The following SCARA5 variants were observed in gnomAD, a reference collection of about 807,000 sequenced individuals.
SCARA5 encodes the protein scavenger receptor class A member 5.
Under a neutral mutation model 46.3 loss-of-function variants are expected in SCARA5, and 45 were observed. That is an observed-to-expected ratio of 0.97 (90% CI 0.76 to 1.24). The LOEUF is 1.24. Among genes scored for constraint, SCARA5 ranks in the 50% most tolerant of loss-of-function variants. The probability of loss-of-function intolerance (pLI) is 0.00; values close to 1 mark genes in which losing one functional copy is unlikely to be tolerated. For missense variants in SCARA5, 680 were observed against 689.0 expected, an observed-to-expected ratio of 0.99 and a Z score of 0.15; for synonymous variants, 333 against 306.5, an observed-to-expected ratio of 1.09 and a Z score of -0.90.
intron 3 of SCARA5, among the ~76,000 whole-genome samples, chr8:27,959,132 C>T (rs1204367637): frequency 6.6e-6 from 1 of 152,030 alleles, no homozygotes; most frequent in Non-Finnish European, 1.5e-5. Context: ...ACTCAGGAGG[C>T]GGAGGCAGGA....
At chr8:27,891,554 AC>A (rs1806984002) in intron 7 of SCARA5, among the ~76,000 whole-genome samples, 1 of 151,830 alleles carries the variant, frequency 6.6e-6, no homozygotes, top group African/African-American at 2.4e-5. Context: ...GATGATCTGG[AC>A]CCCCTTAAAG....
chr8:27,962,342 A>G (rs1808306553), intron 3 of SCARA5, among the ~76,000 whole-genome samples: 1 of 152,260 alleles, frequency 6.6e-6, no homozygotes, highest in Admixed American at 6.5e-5. Context: ...AAATTCCTCG[A>G]GGAACACATA....
At chr8:27,880,602 T>C (rs1806796097) in intron 7 of SCARA5, among the ~76,000 whole-genome samples, 1 of 151,926 alleles carries the variant, frequency 6.6e-6, no homozygotes, top group South Asian at 2.1e-4. Flanking sequence ...TCCCAGCACT[T>C]TGGGAGACCA....
At position 27,922,252 on chromosome 8, in the gene SCARA5, A is replaced by G; in HGVS notation, c.242-7T>C. The G allele has an allele frequency of 6.6e-7, 1 of 1,513,324 alleles. No homozygotes were observed. Among genetic ancestry groups the G allele is most frequent in the South Asian group, 1.3e-5 (1 of 75,236 alleles). The allele number at this position is 1,513,324 out of a possible 1,614,324, so 93.7% of individuals were successfully genotyped here. A position where few individuals can be genotyped will look rare whatever the true frequency, so the allele number is the denominator to read the frequency against. ...GAGCTGCGCGGCCTGGACACTGCGG[A>G]GGAGGAAGAGGGGAGACTTGAGCAC... On this transcript the variant is annotated splice_polypyrimidine_tract_variant and splice_region_variant and intron_variant, in intron 3 of 8. Transcript: ENST00000354914.
chr8:27,930,035 T>C (rs1413339484), intron 3 of SCARA5, among the ~76,000 whole-genome samples: 1 of 152,162 alleles, frequency 6.6e-6, no homozygotes, highest in African/African-American at 2.4e-5. Context: ...TCCCATGGTA[T>C]GGTCCCCCCC....
chr8:27,881,006 C>T (rs531601705), intron 7 of SCARA5, among the ~76,000 whole-genome samples: 165 of 152,230 alleles, frequency 1.1e-3, no homozygotes, highest in Non-Finnish European at 2.0e-3. Flanking sequence ...TACTATCTCA[C>T]GCCAGTCAGA....
rs1807189271 is a variant in SCARA5 at position 27,903,218 on chromosome 8, T to A, written c.1153+1560A>T. 3 of 152,194 alleles carry A rather than the reference T, an allele frequency of 2.0e-5. No individual in the cohort carries two copies. In the South Asian group the frequency reaches 6.2e-4, roughly 32 times the overall value. 9.4% of individuals were successfully genotyped at this position (152,194 alleles called of 1,614,324 possible). A position where few individuals can be genotyped will look rare whatever the true frequency, so the allele number is the denominator to read the frequency against. Reference sequence around the variant, plus strand: ...ACCATCCTGAGTGTGCTTGATCTCATCTGAAGGACCTAGTGAGACCAAGGA... The same window carrying A: ...ACCATCCTGAGTGTGCTTGATCTCAACTGAAGGACCTAGTGAGACCAAGGA... On this transcript the variant is annotated intron_variant, in intron 7 of 8. Transcript: ENST00000354914.
Position 27,871,889 on chromosome 8 carries a change from G to A in SCARA5, c.*45C>T. 1 of 1,611,950 alleles carries A rather than the reference G, an allele frequency of 6.2e-7. No individual in the cohort carries two copies. The highest frequency in any genetic ancestry group is 1.3e-5 in the African/African-American group (1 of 74,988). On this transcript the variant is annotated 3_prime_UTR_variant, in exon 9 of 9. Coordinates refer to ENST00000354914, the MANE Select transcript of SCARA5 (RefSeq NM_173833.6). ...GCTGTGCCCCACCCCAGGGATGCAGGAAGGGTGCTCTGTGCAGGACCCCGA... is the reference window on the plus strand; with the variant it reads ...GCTGTGCCCCACCCCAGGGATGCAGAAAGGGTGCTCTGTGCAGGACCCCGA...
At chr8:27,942,270 T>C (rs12544446) in intron 3 of SCARA5, among the ~76,000 whole-genome samples, 90,469 of 151,954 alleles carry the variant, frequency 0.6, 27,339 homozygotes, top group Middle Eastern at 0.75. Flanking sequence ...CTCCTCCCTA[T>C]GATTGTGACT....
chr8:27,931,303 G>A (rs1807769164), intron 3 of SCARA5, among the ~76,000 whole-genome samples: 2 of 152,182 alleles, frequency 1.3e-5, no homozygotes. Flanking sequence ...AACTGGTGAT[G>A]AATTTATCTC....
chr8:27,984,927 CCATTCATCCATCCATT>C (rs1306685528), intron 2 of SCARA5, among the ~76,000 whole-genome samples: 14 of 150,886 alleles, frequency 9.3e-5, no homozygotes, highest in Admixed American at 4.6e-4. Flanking sequence ...ATCCATTCAC[CCATTCATCCATCCATT>C]CATTCATCCA....
chr8:27,872,206 C>G, intron 8 of SCARA5, 136 bp from the exon 9 acceptor site: 2 of 777,666 alleles, frequency 2.6e-6, no homozygotes, highest in Non-Finnish European at 4.2e-6. Flanking sequence ...GCCCTCTCCA[C>G]GCCCCCCGAA....
intron 2 of SCARA5, among the ~76,000 whole-genome samples, chr8:27,972,804 T>C (rs929931008): frequency 2.6e-5 from 3 of 115,740 alleles, no homozygotes; most frequent in East Asian, 5.2e-4. Context: ...TTCAAGGCTG[T>C]AGTGAGCTGT....
chr8:27,952,256 C>G (rs752379449), intron 3 of SCARA5, among the ~76,000 whole-genome samples: 3 of 152,080 alleles, frequency 2.0e-5, no homozygotes, highest in Non-Finnish European at 2.9e-5. Context: ...GGGAGTGCAG[C>G]CTTTGCTCGT....
chr8:27,984,816 CATCCTTTCATCT>C (rs1480195450), intron 2 of SCARA5, among the ~76,000 whole-genome samples: 2 of 152,146 alleles, frequency 1.3e-5, no homozygotes, highest in African/African-American at 4.8e-5. Flanking sequence ...TCCATTCATC[CATCCTTTCATCT>C]ATCCATCTAT....
At chr8:27,887,395 C>G (rs529298888) in intron 7 of SCARA5, among the ~76,000 whole-genome samples, 7 of 152,268 alleles carry the variant, frequency 4.6e-5, no homozygotes, top group African/African-American at 1.7e-4. Context: ...AGACTGGGGT[C>G]TACCTGTCCA....
At chr8:27,990,886 C>T (rs1373136640) in intron 1 of SCARA5, among the ~76,000 whole-genome samples, 2 of 152,262 alleles carry the variant, frequency 1.3e-5, no homozygotes, top group African/African-American at 4.8e-5. Context: ...GGAGGTGTCA[C>T]CCTCTCCACT....
intron 6 of SCARA5, 85 bp downstream of exon 6, chr8:27,907,063 A>G: frequency 7.8e-6 from 7 of 900,262 alleles, no homozygotes; most frequent in Middle Eastern, 2.2e-4. Context: ...CACAGTGAAG[A>G]TAAGAGTCCT....
chr8:27,902,600 G>A (rs999891512), intron 7 of SCARA5, among the ~76,000 whole-genome samples: 1 of 152,176 alleles, frequency 6.6e-6, no homozygotes, highest in Non-Finnish European at 1.5e-5. Context: ...TGATCTCAAA[G>A]CCATCTTTCC....
Sources: allele counts gnomAD v4.1 joint callset (sites outside exome capture counted in the v4.1 genomes callset), GRCh38; gene constraint gnomAD v4.1.1; transcripts MANE v1.5; gene names NCBI Gene and HGNC (gene_info 2026-07-23, HGNC 2026-07-21).